KDM6A: variants seen among roughly 807,000 people sequenced by gnomAD.
The protein encoded by KDM6A is lysine demethylase 6A.
In KDM6A, 11 loss-of-function variants were observed where a neutral mutation model predicts 117.6. That is an observed-to-expected ratio of 0.09 (90% CI 0.06 to 0.15). The LOEUF is 0.15. KDM6A is among the 10% of genes least tolerant of loss of function. The probability of loss-of-function intolerance (pLI) is 1.00; values close to 1 mark genes in which losing one functional copy is unlikely to be tolerated. For missense variants in KDM6A, 799 were observed against 1,077.3 expected (o/e 0.74, Z 3.62); for synonymous variants, 384 against 396.1 (o/e 0.97, Z 0.36).
At chrX:45,078,847 C>G (rs892254108) in intron 20 of KDM6A, among the ~76,000 whole-genome samples, 1 of 110,174 alleles carries the variant, frequency 9.1e-6, no homozygotes, top group Non-Finnish European at 1.9e-5. Context: ...CTAATAAATA[C>G]TATAGCCCCA....
chrX:44,875,872 A>G (rs2146466572), intron 2 of KDM6A, among the ~76,000 whole-genome samples: 1 of 112,162 alleles, frequency 8.9e-6, no homozygotes, highest in East Asian at 2.8e-4. Context: ...TCATATTCAT[A>G]TAGATTCACT....
intron 25 of KDM6A, 47 bp from the exon 26 acceptor site, chrX:45,089,696 C>A (rs1360972544): frequency 3.2e-6 from 3 of 933,182 alleles, no homozygotes; most frequent in Non-Finnish European, 3.1e-6. Flanking sequence ...TTACTAGGAG[C>A]TTCTTAATGT....
chrX:44,876,396 A>C (rs1222108828), intron 2 of KDM6A, among the ~76,000 whole-genome samples: 1 of 111,301 alleles, frequency 9.0e-6, no homozygotes, highest in Non-Finnish European at 1.9e-5. Context: ...ATTTAGTTTC[A>C]TCCTTCTTTT....
intron 2 of KDM6A, among the ~76,000 whole-genome samples, chrX:44,945,154 G>A (rs2037558954): frequency 9.0e-6 from 1 of 111,286 alleles, no homozygotes; most frequent in East Asian, 2.8e-4. Context: ...TGACAGAGTC[G>A]CCTTCCCCTC....
chrX:44,919,596 A>AT (rs969925601), intron 2 of KDM6A, among the ~76,000 whole-genome samples: 1 of 105,997 alleles, frequency 9.4e-6, no homozygotes, highest in South Asian at 4.0e-4. Flanking sequence ...TCATTCACAG[A>AT]TTTTGCTATA....
At chrX:44,904,449 T>G (rs1259891245) in intron 2 of KDM6A, among the ~76,000 whole-genome samples, 1 of 112,186 alleles carries the variant, frequency 8.9e-6, no homozygotes, top group Non-Finnish European at 1.9e-5. Context: ...TTAAAACTCT[T>G]ACAGACATCT....
intron 8 of KDM6A, among the ~76,000 whole-genome samples, chrX:45,047,674 CTTTTTTTTTTTTTTTTTTTTTTTT>C (rs78749806): frequency 5.5e-5 from 2 of 36,334 alleles, no homozygotes; most frequent in South Asian, 3.9e-3. Flanking sequence ...CTTTTTTTTT[CTTTTTTTTTTTTTTTTTTTTTTTT>C]TTTTTGACAG....
At chrX:45,069,557 A>C in intron 17 of KDM6A, 22 bp from the exon 18 acceptor site, 1 of 1,194,223 alleles carries the variant, frequency 8.4e-7, no homozygotes, top group East Asian at 3.0e-5. Context: ...ATTAGATTTA[A>C]ACTATTTTTC....
rs1462118653 is a variant in KDM6A, at chrX:44,873,641, G to T, written c.90G>T (p.Ala30=). 1 of 1,192,708 alleles carries T rather than the reference G, an allele frequency of 8.4e-7. No individual in the cohort carries two copies. The highest frequency in any genetic ancestry group is 1.1e-6 in the Non-Finnish European group (1 of 886,452). ...DEEKKMAAGK[A]SGESEEASPS... ...AAAAGAAAATGGCGGCGGGAAAAGCGAGCGGCGAGAGCGAGGAGGCGTCCC... is the reference window on the plus strand; with the variant it reads ...AAAAGAAAATGGCGGCGGGAAAAGCTAGCGGCGAGAGCGAGGAGGCGTCCC... Residue 30 remains alanine (A), a synonymous_variant, in exon 1 of 30, where the codon GCG becomes GCT. Transcript: ENST00000611820.
At chrX:44,940,465 T>C (rs2037237965) in intron 2 of KDM6A, among the ~76,000 whole-genome samples, 1 of 111,818 alleles carries the variant, frequency 8.9e-6, no homozygotes, top group Non-Finnish European at 1.9e-5. Flanking sequence ...CTCACAGTAG[T>C]GGTGGGTTGA....
chrX:44,975,897 G>A (rs978329364), intron 4 of KDM6A, among the ~76,000 whole-genome samples: 4 of 112,150 alleles, frequency 3.6e-5, no homozygotes, highest in African/African-American at 1.3e-4. Flanking sequence ...GGGGAATGGG[G>A]TGGAGCCACC....
intron 2 of KDM6A, among the ~76,000 whole-genome samples, chrX:44,906,798 C>T (rs981142816): frequency 9.0e-6 from 1 of 111,566 alleles, no homozygotes; most frequent in Non-Finnish European, 1.9e-5. Context: ...GGATTATCGG[C>T]GTGAGCCACT....
Position 44,953,926 on chromosome X carries a change from G to A in KDM6A, c.226-7358G>A, listed in dbSNP as rs185489171. On this transcript the variant is annotated intron_variant, in intron 2 of 29. Coordinates refer to ENST00000611820, the MANE Select transcript of KDM6A (RefSeq NM_001291415.2). The stretch of plus-strand genomic sequence containing the variant: ...ACAAAAATTAGCCAGGCGTGGTGGC[G>A]TGTGCCTGTAGTCCCAGCCACTTGA... Among the ~76,000 whole-genome samples the A allele has an allele frequency of 1.8e-3, 195 of 110,151 alleles. 1 individual carries two copies. The highest frequency in any genetic ancestry group is 0.014 in the Middle Eastern group (3 of 212).
At chrX:45,090,267 T>A (rs1214018262) in intron 26 of KDM6A, among the ~76,000 whole-genome samples, 1 of 112,400 alleles carries the variant, frequency 8.9e-6, no homozygotes, top group African/African-American at 3.2e-5. Flanking sequence ...GTGTTTCATA[T>A]GAATAGCTCT....
At position 45,104,551 on chromosome X, in the gene KDM6A, C is replaced by T. The variant is rs758416533; in HGVS notation, c.4035-2859C>T. Among the ~76,000 whole-genome samples, 19 of 111,956 alleles carry T rather than the reference C, an allele frequency of 1.7e-4. No individual in the cohort carries two copies. In the South Asian group the frequency reaches 7.1e-3, roughly 42 times the overall value. ...CTTTACTACGATCCTTTCCCTAAAT[C>T]ACTTTGCTTTCTATTTTTCCCTATC... On this transcript the variant is annotated intron_variant, in intron 27 of 29. Coordinates refer to ENST00000611820, the MANE Select transcript of KDM6A (RefSeq NM_001291415.2).
chrX:44,877,625 G>A (rs2031807687), intron 2 of KDM6A, among the ~76,000 whole-genome samples: 1 of 108,569 alleles, frequency 9.2e-6, no homozygotes, highest in East Asian at 2.9e-4. Context: ...AAATATAGTA[G>A]TACTACCAAG....
At chrX:44,986,275 T>C (rs1190751817) in intron 4 of KDM6A, among the ~76,000 whole-genome samples, 1 of 111,998 alleles carries the variant, frequency 8.9e-6, no homozygotes, top group East Asian at 2.8e-4. Flanking sequence ...TCATTTTTTA[T>C]TGCGTCTATT....
chrX:45,067,684 G>A (rs1484934947), intron 17 of KDM6A, among the ~76,000 whole-genome samples: 2 of 95,615 alleles, frequency 2.1e-5, no homozygotes, highest in Non-Finnish European at 4.1e-5. Flanking sequence ...ATGGAGCCTG[G>A]CTCTGTCGCC....
intron 2 of KDM6A, among the ~76,000 whole-genome samples, chrX:44,910,745 T>G (rs1005511603): frequency 9.1e-6 from 1 of 110,358 alleles, no homozygotes; most frequent in African/African-American, 3.3e-5. Context: ...ACAAAGCACA[T>G]CTTGCACCGA....
Sources: allele counts gnomAD v4.1 joint callset (sites outside exome capture counted in the v4.1 genomes callset), GRCh38; gene constraint gnomAD v4.1.1; transcripts MANE v1.5; gene names NCBI Gene and HGNC (gene_info 2026-07-23, HGNC 2026-07-21).